ANKS1B: variants seen among roughly 807,000 people sequenced by gnomAD.
ANKS1B encodes the protein ankyrin repeat and sterile alpha motif domain-containing protein 1B.
Under a neutral mutation model 148.3 loss-of-function variants are expected in ANKS1B, and 36 were observed. That is an observed-to-expected ratio of 0.24 (90% CI 0.19 to 0.32). The LOEUF (loss-of-function observed/expected upper bound fraction) is 0.32, where lower values mean the gene tolerates loss of function less well. ANKS1B is among the 10% of genes least tolerant of loss of function. ANKS1B has a pLI of 1.00. For synonymous variants in ANKS1B, 542 were observed against 560.8 expected (o/e 0.97, Z 0.47); for missense variants, 1,157 against 1,542.6 (o/e 0.75, Z 4.19).
intron 2 of ANKS1B, among the ~76,000 whole-genome samples, chr12:99,816,420 C>A (rs149041160): frequency 7.3e-4 from 111 of 151,794 alleles, no homozygotes; most frequent in African/African-American, 2.6e-3. Context: ...TTCTCCCACT[C>A]TGTGGGTTGT....
chr12:99,860,581 A>G (rs546582538), intron 1 of ANKS1B, among the ~76,000 whole-genome samples: 9 of 152,342 alleles, frequency 5.9e-5, no homozygotes, highest in Admixed American at 3.9e-4. Flanking sequence ...GGATGGGTTC[A>G]AAGTGTGTGA....
At chr12:98,787,496 T>C (rs2098806173) in intron 22 of ANKS1B, among the ~76,000 whole-genome samples, 1 of 152,170 alleles carries the variant, frequency 6.6e-6, no homozygotes, top group African/African-American at 2.4e-5. Context: ...GAAGTAGCCA[T>C]TTTTCAAGTC....
chr12:99,758,908 A>C (rs1029471454), intron 8 of ANKS1B, among the ~76,000 whole-genome samples: 1 of 151,932 alleles, frequency 6.6e-6, no homozygotes, highest in African/African-American at 2.4e-5. Flanking sequence ...GCAAAAGGAA[A>C]TCTTTCAAAG....
chr12:99,061,232 C>T lies in ANKS1B; in HGVS notation c.2626-7923G>A, dbSNP rs562386643. On this transcript the variant is annotated intron_variant, in intron 16 of 26. Transcript: ENST00000683438. The stretch of plus-strand genomic sequence containing the variant: ...AAAGTGTTGCATGTAACTTTCAGGT[C>T]ACCTCTAGCTAAAAGAAGTTCCTCG... Among the ~76,000 whole-genome samples, 17 of 152,254 alleles carry T rather than the reference C, an allele frequency of 1.1e-4. 1 individual carries two copies. The highest frequency in any genetic ancestry group is 3.9e-4 in the African/African-American group (16 of 41,524).
At chr12:98,851,509 C>T (rs544858526) in intron 17 of ANKS1B, among the ~76,000 whole-genome samples, 1 of 152,080 alleles carries the variant, frequency 6.6e-6, no homozygotes, top group South Asian at 2.1e-4. Context: ...TTACTTAGTT[C>T]CCTATTAATT....
At chr12:98,804,118 G>A (rs781234698) in intron 20 of ANKS1B, among the ~76,000 whole-genome samples, 3 of 152,192 alleles carry the variant, frequency 2.0e-5, no homozygotes, top group Non-Finnish European at 4.4e-5. Flanking sequence ...TGAATTCAGA[G>A]TGATCTGATA....
intron 1 of ANKS1B, among the ~76,000 whole-genome samples, chr12:99,854,985 C>T (rs1310031549): frequency 6.6e-6 from 1 of 151,088 alleles, no homozygotes; most frequent in Non-Finnish European, 1.5e-5. Flanking sequence ...AACAATAATA[C>T]AATTGAAAAA....
chr12:99,626,242 C>T (rs1422006804), intron 9 of ANKS1B, among the ~76,000 whole-genome samples: 1 of 152,060 alleles, frequency 6.6e-6, no homozygotes, highest in East Asian at 1.9e-4. Context: ...ATTTAATTAT[C>T]ACAAAACAAC....
intron 9 of ANKS1B, among the ~76,000 whole-genome samples, chr12:99,577,671 G>A (rs1008256153): frequency 6.6e-6 from 1 of 151,890 alleles, no homozygotes; most frequent in Non-Finnish European, 1.5e-5. Context: ...TGAACCAGGA[G>A]GAAACTGAAA....
chr12:99,013,903 G>C (rs1361190252), intron 17 of ANKS1B, among the ~76,000 whole-genome samples: 1 of 152,120 alleles, frequency 6.6e-6, no homozygotes. Flanking sequence ...CCATGCTCAT[G>C]GATAGGAAGA....
At chr12:99,480,040 T>G (rs1042383007) in intron 10 of ANKS1B, among the ~76,000 whole-genome samples, 4 of 151,718 alleles carry the variant, frequency 2.6e-5, no homozygotes, top group Non-Finnish European at 5.9e-5. Context: ...TAAAGATCAA[T>G]TTAAAAATGA....
intron 14 of ANKS1B, among the ~76,000 whole-genome samples, chr12:99,241,683 C>A (rs952623552): frequency 2.0e-5 from 3 of 152,186 alleles, no homozygotes; most frequent in African/African-American, 7.2e-5. Context: ...AGCAGCACAT[C>A]AAGAAGCTTA....
rs568295546 is a variant in ANKS1B at position 99,664,270 on chromosome 12, CTTCT to C, written c.1129-9064_1129-9061del. On this transcript the variant is annotated intron_variant, in intron 8 of 26. Coordinates refer to ENST00000683438, the MANE Select transcript of ANKS1B (RefSeq NM_001352186.2). ...CAAATAACATTTTTCTAAAAGTTTACTTCTTTGTTTTAAAATAAAATTCATTAAA... is the reference window on the plus strand; with the variant it reads ...CAAATAACATTTTTCTAAAAGTTTACTTGTTTTAAAATAAAATTCATTAAA... 9.0e-4 allele frequency among the ~76,000 whole-genome samples: 137 copies of C among 151,936 alleles called. 1 individual carries two copies. The highest frequency in any genetic ancestry group is 1.9e-3 in the Admixed American group (29 of 15,266).
rs547292307 is a variant in ANKS1B, at chr12:99,305,793, C to T, written c.1757-58929G>A. Among the ~76,000 whole-genome samples the T allele has an allele frequency of 4.6e-5, 7 of 152,250 alleles. No individual in the cohort carries two copies. The South Asian group carries it at 1.4e-3, about 32-fold the overall frequency. On this transcript the variant is annotated intron_variant, in intron 12 of 26. Transcript: ENST00000683438. ...ATCTTTAAAATCACCTGGTTCTATA[C>T]TTCATTAAAGGCTTGAATCATCCAG...
At chr12:98,948,919 C>T (rs73382447) in intron 17 of ANKS1B, among the ~76,000 whole-genome samples, 1,828 of 145,346 alleles carry the variant, frequency 0.013, 41 homozygotes, top group African/African-American at 0.046. Context: ...GGATATCTTC[C>T]AAAGGGGTGA....
chr12:99,005,311 T>G (rs1206150990), intron 17 of ANKS1B, among the ~76,000 whole-genome samples: 2 of 151,982 alleles, frequency 1.3e-5, no homozygotes, highest in African/African-American at 2.4e-5. Context: ...TGACAGCAGG[T>G]CTGGCATGTC....
intron 8 of ANKS1B, among the ~76,000 whole-genome samples, chr12:99,703,430 T>C (rs1407278091): frequency 2.6e-5 from 4 of 152,172 alleles, no homozygotes; most frequent in Admixed American, 6.5e-5. Flanking sequence ...TTCTCAAAAA[T>C]GTTTTTATAT....
rs748306318 is a variant in ANKS1B, at chr12:98,885,089, T to C, written c.2779-52953A>G. 7.6e-4 allele frequency among the ~76,000 whole-genome samples: 116 copies of C among 152,318 alleles called. 1 individual carries two copies. The highest frequency in any genetic ancestry group is 4.4e-3 in the Admixed American group (67 of 15,302). The stretch of plus-strand genomic sequence containing the variant: ...TTTCTCATCTTTCACATTAATTCAT[T>C]AGCAAGATCTCTAGGTTCCATCTCT... On this transcript the variant is annotated intron_variant, in intron 17 of 26. Transcript: ENST00000683438.
At chr12:98,962,654 G>C (rs180777197) in intron 17 of ANKS1B, among the ~76,000 whole-genome samples, 1 of 151,848 alleles carries the variant, frequency 6.6e-6, no homozygotes, top group Admixed American at 6.6e-5. Flanking sequence ...CATTCTTCTC[G>C]GCACATGGAT....
Sources: gnomAD v4.1 joint callset for allele counts (sites outside exome capture counted in the v4.1 genomes callset) on GRCh38, gnomAD v4.1.1 for gene constraint, MANE v1.5 for transcripts, NCBI Gene and HGNC (gene_info 2026-07-23, HGNC 2026-07-21) for gene names.